TMCO4: variants seen among roughly 807,000 people sequenced by gnomAD.
The protein encoded by TMCO4 is transmembrane and coiled-coil domains 4, also known as transmembrane and coiled-coil domain-containing protein 4.
TMCO4 carries 58 observed loss-of-function variants against 64.7 expected under a neutral mutation model. The ratio of observed to expected loss-of-function variants is 0.90; its 90% CI spans 0.73 to 1.12. The LOEUF (loss-of-function observed/expected upper bound fraction) is 1.12, where lower values mean the gene tolerates loss of function less well. TMCO4 is among the 50% of genes most tolerant of loss of function. TMCO4 has a pLI of 0.00. For synonymous variants in TMCO4, 325 were observed against 346.1 expected (o/e 0.94, Z 0.68); for missense variants, 780 against 825.9 (o/e 0.94, Z 0.68).
At chr1:19,780,289 G>A (rs2043403238) in intron 4 of TMCO4, among the ~76,000 whole-genome samples, 1 of 152,140 alleles carries the variant, frequency 6.6e-6, no homozygotes, top group African/African-American at 2.4e-5. Flanking sequence ...CAGTAGCAAA[G>A]GACACAGCCC....
At position 19,734,944 on chromosome 1, in the gene TMCO4, G is replaced by A. The variant is rs765355634; in HGVS notation, c.1264+2428C>T. On this transcript the variant is annotated intron_variant, in intron 13 of 15. Transcript: ENST00000294543. The surrounding 1 kb of genome is among the most constrained non-coding windows in gnomAD (Gnocchi z 4.4). ...TGCTTGGAACACAGCCTGGCACCCGGTGGATCTGCACTAGCTCGTGGGCAC... is the reference window on the plus strand; with the variant it reads ...TGCTTGGAACACAGCCTGGCACCCGATGGATCTGCACTAGCTCGTGGGCAC... Among the ~76,000 whole-genome samples the A allele has an allele frequency of 6.6e-6, 1 of 152,138 alleles. No individual in the cohort carries two copies. The highest frequency in any genetic ancestry group is 1.5e-5 in the Non-Finnish European group (1 of 68,022).
At position 19,699,486 on chromosome 1, in the gene TMCO4, C is replaced by CATATATATATATATATAT. The variant is rs10587817; in HGVS notation, c.1382+1264_1382+1281dup. Among the ~76,000 whole-genome samples, 221 of 136,372 alleles carry CATATATATATATATATAT rather than the reference C, an allele frequency of 1.6e-3. 1 individual carries two copies. The highest frequency in any genetic ancestry group is 5.6e-3 in the African/African-American group (210 of 37,292). 89.5% of individuals were successfully genotyped at this position (136,372 alleles called of 152,430 possible). On this transcript the variant is annotated intron_variant, in intron 14 of 15. Coordinates refer to ENST00000294543, the MANE Select transcript of TMCO4 (RefSeq NM_181719.7). ...GTCCATTCCTTATCTTTTTCATATA[C>CATATATATATATATATAT]ATATATATATATATATATATATATA...
chr1:19,780,340 G>A lies in TMCO4; in HGVS notation c.179+240C>T, dbSNP rs75659066. ...CATAAAATGCTTAGAACAGGAGGCAGAGGTCAGGCAGTAATTCTCATTCAC... is the reference window on the plus strand; with the variant it reads ...CATAAAATGCTTAGAACAGGAGGCAAAGGTCAGGCAGTAATTCTCATTCAC... On this transcript the variant is annotated intron_variant, in intron 4 of 15. Transcript: ENST00000294543. Among the ~76,000 whole-genome samples the A allele has an allele frequency of 1.8e-3, 274 of 152,314 alleles. 7 individuals are homozygous for A. In the East Asian group the frequency reaches 0.048, roughly 27 times the overall value.
chr1:19,745,743 AG>A, intron 9 of TMCO4, 92 bp from the exon 10 acceptor site: 1 of 1,467,180 alleles, frequency 6.8e-7, no homozygotes, highest in Admixed American at 2.1e-5. Context: ...GCACACAGTG[AG>A]CACCATCTGT....
At chr1:19,752,044 T>C (rs1490923061) in intron 7 of TMCO4, among the ~76,000 whole-genome samples, 4 of 150,836 alleles carry the variant, frequency 2.7e-5, no homozygotes, top group Non-Finnish European at 4.4e-5. Flanking sequence ...TAAGACTTTG[T>C]CTCAAAAAAA....
intron 11 of TMCO4, among the ~76,000 whole-genome samples, chr1:19,740,488 C>T (rs906168306): frequency 1.3e-5 from 2 of 152,164 alleles, no homozygotes; most frequent in Admixed American, 1.3e-4. Flanking sequence ...TAAGATCCAC[C>T]AACTCCAGCC....
At chr1:19,792,973 G>A (rs528584676) in intron 2 of TMCO4, among the ~76,000 whole-genome samples, 11 of 152,052 alleles carry the variant, frequency 7.2e-5, no homozygotes, top group East Asian at 3.9e-4. Context: ...GTTTCACCAC[G>A]TTGGCCAGGC....
At chr1:19,747,938 A>C (rs1435521364) in intron 7 of TMCO4, among the ~76,000 whole-genome samples, 2 of 152,130 alleles carry the variant, frequency 1.3e-5, no homozygotes, top group Non-Finnish European at 2.9e-5. Context: ...TTAAGTAGGA[A>C]CTCTGAACTG....
chr1:19,698,917 C>T (rs1375139925), intron 14 of TMCO4, among the ~76,000 whole-genome samples: 5 of 152,274 alleles, frequency 3.3e-5, no homozygotes, highest in East Asian at 1.9e-4. Context: ...TCATGTGCGG[C>T]GGGGTGCAGT....
intron 3 of TMCO4, 54 bp from the exon 4 acceptor site, chr1:19,780,820 TTAAGCA>T: frequency 1.4e-6 from 2 of 1,422,078 alleles, no homozygotes; most frequent in South Asian, 2.8e-5. Flanking sequence ...CCAAGGTTAC[TTAAGCA>T]TGACACAGAA....
Position 19,732,538 on chromosome 1 carries a change from A to G in TMCO4, c.1264+4834T>C, listed in dbSNP as rs979746192. On this transcript the variant is annotated intron_variant, in intron 13 of 15. Coordinates refer to ENST00000294543, the MANE Select transcript of TMCO4 (RefSeq NM_181719.7). This position sits in a 1 kb window ranked among gnomAD's most constrained non-coding sequence, Gnocchi z 4.8. Reference sequence around the variant, plus strand: ...TTCTCACCTCCTCTCTAGATGATCAATGAGGCAGGGATGGGATGTTATGAA... The same window carrying G: ...TTCTCACCTCCTCTCTAGATGATCAGTGAGGCAGGGATGGGATGTTATGAA... Among the ~76,000 whole-genome samples the G allele has an allele frequency of 6.6e-6, 1 of 152,138 alleles. No individual in the cohort carries two copies. The highest frequency in any genetic ancestry group is 1.5e-5 in the Non-Finnish European group (1 of 68,022).
intron 15 of TMCO4, among the ~76,000 whole-genome samples, chr1:19,692,598 T>C (rs2095204844): frequency 6.9e-6 from 1 of 145,722 alleles, no homozygotes; most frequent in Admixed American, 6.8e-5. Flanking sequence ...AAAAAAAGAA[T>C]TAGATGGGCG....
rs116370727 is a variant in TMCO4 at position 19,684,132 on chromosome 1, A to G, written c.1501-688T>C. On this transcript the variant is annotated intron_variant, in intron 15 of 15. Transcript: ENST00000294543. ...TAAAATAGCATGAGAAAAAAGAAAA[A>G]TGAAAACAGAGAGAGAGAGAGATGG... is the stretch of plus-strand genomic sequence containing the variant. Among the ~76,000 whole-genome samples the G allele has an allele frequency of 9.5e-3, 1,341 of 141,168 alleles. 15 individuals are homozygous for G. Among genetic ancestry groups the G allele is most frequent in the South Asian group, 0.029 (119 of 4,156 alleles). 92.6% of individuals were successfully genotyped at this position (141,168 alleles called of 152,430 possible). A position where few individuals can be genotyped will look rare whatever the true frequency, so the allele number is the denominator to read the frequency against.
rs550132346 is a variant in TMCO4, at chr1:19,796,375, C to T, written c.-101+1762G>A. ...GCCAACTCTGAAGCTCCAAAGACTT[C>T]GTCTGGGCCCCTCCACCTCTCCTTG... On this transcript the variant is annotated intron_variant, in intron 2 of 15. Transcript: ENST00000294543. 1.2e-4 allele frequency among the ~76,000 whole-genome samples: 19 copies of T among 152,282 alleles called. No homozygotes were observed. In the South Asian group the frequency reaches 3.9e-3, roughly 32 times the overall value.
intron 13 of TMCO4, among the ~76,000 whole-genome samples, chr1:19,711,549 C>T (rs1028988106): frequency 2.0e-5 from 3 of 152,112 alleles, no homozygotes; most frequent in African/African-American, 4.8e-5. Context: ...AGTGCAATGG[C>T]GCAATCACGG....
At chr1:19,689,868 A>T (rs1332609216) in intron 15 of TMCO4, among the ~76,000 whole-genome samples, 1 of 152,230 alleles carries the variant, frequency 6.6e-6, no homozygotes, top group Non-Finnish European at 1.5e-5. Context: ...AGCCCTGTTG[A>T]TGGTGACAGG....
intron 6 of TMCO4, 122 bp from the exon 7 acceptor site, chr1:19,755,888 A>C: frequency 1.8e-6 from 2 of 1,135,872 alleles, no homozygotes; most frequent in Non-Finnish European, 1.3e-6. Context: ...CATGGGAGCC[A>C]GTCAATGAAA....
intron 15 of TMCO4, among the ~76,000 whole-genome samples, chr1:19,692,086 C>T (rs555609666): frequency 3.0e-4 from 45 of 152,256 alleles, no homozygotes; most frequent in Admixed American, 2.5e-3. Flanking sequence ...TTATCAGCAG[C>T]GTGAAAATGG....
At position 19,732,847 on chromosome 1, in the gene TMCO4, A is replaced by G. The variant is rs935624272; in HGVS notation, c.1264+4525T>C. 4.6e-5 allele frequency among the ~76,000 whole-genome samples: 7 copies of G among 152,188 alleles called. No homozygotes were observed. Among genetic ancestry groups the G allele is most frequent in the African/African-American group, 1.7e-4 (7 of 41,448 alleles). On this transcript the variant is annotated intron_variant, in intron 13 of 15. Transcript: ENST00000294543. The surrounding 1 kb of genome is among the most constrained non-coding windows in gnomAD (Gnocchi z 4.8). The stretch of plus-strand genomic sequence containing the variant: ...GGGTTCATCTTGGAGTCAGATTCCT[A>G]TCAGATTCTTGTTATTTGGAAGGCT...
Sources: allele counts gnomAD v4.1 joint callset (sites outside exome capture counted in the v4.1 genomes callset), GRCh38; gene constraint gnomAD v4.1.1; non-coding constraint Gnocchi (gnomAD v3.1); transcripts MANE v1.5; gene names NCBI Gene and HGNC (gene_info 2026-07-23, HGNC 2026-07-21).